Variants in DIS3L observed in about 807,000 individuals in gnomAD.
The protein encoded by DIS3L is DIS3 like exosome 3'-5' exoribonuclease.
Under a neutral mutation model 120.3 loss-of-function variants are expected in DIS3L, and 100 were observed. The observed-to-expected ratio is 0.83, with a 90% confidence interval of 0.71 to 0.98. The LOEUF is 0.98. Ranked by LOEUF, DIS3L falls within the 50% of genes least tolerant of loss-of-function variation. The probability of loss-of-function intolerance (pLI) is 0.00; values close to 1 mark genes in which losing one functional copy is unlikely to be tolerated. For missense variants in DIS3L, 1,196 were observed against 1,314.2 expected (o/e 0.91, Z 1.39); for synonymous variants, 426 against 470.6 (o/e 0.91, Z 1.23).
intron 4 of DIS3L, among the ~76,000 whole-genome samples, chr15:66,309,506 A>G (rs1009856879): frequency 6.6e-6 from 1 of 152,176 alleles, no homozygotes; most frequent in Non-Finnish European, 1.5e-5. Context: ...CCTAATGGTA[A>G]TAACCAACAC....
At chr15:66,313,889 A>G (rs180968638) in intron 5 of DIS3L, 150 bp from the exon 6 acceptor site, 10,401 of 213,216 alleles carry the variant, frequency 0.049, 75 homozygotes, top group Middle Eastern at 0.083. Flanking sequence ...ATGTGTGTGT[A>G]TATATATATA....
At chr15:66,329,594 A>ATTT in intron 14 of DIS3L, 195 bp downstream of exon 14, 1 of 1,019,356 alleles carries the variant, frequency 9.8e-7, no homozygotes, top group Non-Finnish European at 1.3e-6. Flanking sequence ...AGATTATCAG[A>ATTT]TTTTTTTTTT....
At chr15:66,329,426 AC>A in intron 14 of DIS3L, 27 bp downstream of exon 14, 1 of 1,589,764 alleles carries the variant, frequency 6.3e-7, no homozygotes, top group Non-Finnish European at 8.6e-7. Flanking sequence ...AAATTCTCTT[AC>A]CTGTCATCTC....
intron 14 of DIS3L, among the ~76,000 whole-genome samples, chr15:66,331,143 A>G (rs1488845549): frequency 6.6e-6 from 1 of 151,868 alleles, no homozygotes. Context: ...CGATAGAGTG[A>G]GACTCCATCT....
intron 2 of DIS3L, among the ~76,000 whole-genome samples, chr15:66,298,008 T>C (rs998435019): frequency 2.0e-5 from 3 of 151,950 alleles, no homozygotes; most frequent in African/African-American, 7.2e-5. Flanking sequence ...GGCGAAATCC[T>C]GTCACTACTA....
At chr15:66,307,550 T>C (rs1035914732) in intron 3 of DIS3L, among the ~76,000 whole-genome samples, 5 of 152,078 alleles carry the variant, frequency 3.3e-5, no homozygotes, top group Non-Finnish European at 5.9e-5. Context: ...AATCCACTTG[T>C]CTTGGCCTCC....
intron 10 of DIS3L, 62 bp from the exon 11 acceptor site, chr15:66,323,427 CCACA>C: frequency 1.9e-6 from 3 of 1,550,286 alleles, no homozygotes; most frequent in Non-Finnish European, 2.7e-6. Flanking sequence ...TCCCTGCGGC[CCACA>C]CAGTCAGCAG....
At chr15:66,332,217 G>A (rs2093006087) in intron 15 of DIS3L, among the ~76,000 whole-genome samples, 197 bp downstream of exon 15, 1 of 152,160 alleles carries the variant, frequency 6.6e-6, no homozygotes, top group African/African-American at 2.4e-5. Context: ...AGCACTTTGG[G>A]AGGCCAAGGT....
chr15:66,298,318 A>G (rs2092611940), intron 2 of DIS3L, among the ~76,000 whole-genome samples: 1 of 152,130 alleles, frequency 6.6e-6, no homozygotes, highest in African/African-American at 2.4e-5. Flanking sequence ...TCTTGTTTCT[A>G]AAAGAAAAAA....
chr15:66,327,012 C>T (rs2092946242), intron 12 of DIS3L, among the ~76,000 whole-genome samples: 1 of 152,004 alleles, frequency 6.6e-6, no homozygotes, highest in Admixed American at 6.6e-5. Flanking sequence ...TCACTGCAAC[C>T]TCCGCCTCCC....
In DIS3L at chr15:66,323,541, C is replaced by T. The variant is rs764850733; in HGVS notation, c.1623C>T (p.Ser541=). 19 of 1,614,134 alleles carry T rather than the reference C, an allele frequency of 1.2e-5. No homozygotes were observed. Among genetic ancestry groups the T allele is most frequent in the African/African-American group, 9.3e-5 (7 of 74,946 alleles). ...ATCGTCGCTATGACATGCTGCCTTC[C>T]GTCCTCAGTGCAGATTTGTGTTCCC... The part of the protein sequence containing the change: ...LADRRYDMLP[S]VLSADLCSLL... The change falls in exon 11 of 17, where the codon TCC becomes TCT. Residue 541 remains serine, a synonymous_variant. Transcript: ENST00000319212.
Position 66,329,233 on chromosome 15 carries a change from A to C in DIS3L, c.2369A>C (p.Asp790Ala). The C allele has an allele frequency of 6.2e-7, 1 of 1,600,142 alleles. No individual in the cohort carries two copies. The highest frequency in any genetic ancestry group is 8.5e-7 in the Non-Finnish European group (1 of 1,174,014). Reference sequence around the variant, plus strand: ...TTTCTTTTTGAAGGTCTTGCATTAGATAAATATACCCACTTTACTTCTCCA... The same window carrying C: ...TTTCTTTTTGAAGGTCTTGCATTAGCTAAATATACCCACTTTACTTCTCCA... ...EEFHHYGLAL[D>A]KYTHFTSPIR... The change falls in exon 14 of 17, where the codon GAT becomes GCT. Residue 790 changes from aspartate (D) to alanine (A), a missense_variant. By Grantham distance (126) the Asp-to-Ala change is moderately radical. Transcript: ENST00000319212.
intron 5 of DIS3L, among the ~76,000 whole-genome samples, chr15:66,312,485 C>T (rs2092772588): frequency 6.6e-6 from 1 of 152,114 alleles, no homozygotes; most frequent in South Asian, 2.1e-4. Flanking sequence ...CCTCCTGTCA[C>T]TAGAAAAAAA....
At chr15:66,295,841 G>A (rs192272822) in intron 2 of DIS3L, among the ~76,000 whole-genome samples, 8 of 152,262 alleles carry the variant, frequency 5.3e-5, no homozygotes, top group Non-Finnish European at 7.4e-5. Flanking sequence ...AGAATTATAC[G>A]TCCAACCTTT....
chr15:66,313,857 ATATG>A (rs1327360961), intron 5 of DIS3L, among the ~76,000 whole-genome samples, 178 bp from the exon 6 acceptor site: 3 of 124,978 alleles, frequency 2.4e-5, no homozygotes, highest in Admixed American at 8.1e-5. Flanking sequence ...GTGCGTATAT[ATATG>A]TGTGTATATA....
At chr15:66,293,873 G>T in intron 1 of DIS3L, 138 bp downstream of exon 1, 3 of 856,764 alleles carry the variant, frequency 3.5e-6, no homozygotes, top group Non-Finnish European at 3.9e-6. Flanking sequence ...CCGCTCGCCG[G>T]CCTCACCCCC....
intron 12 of DIS3L, 150 bp downstream of exon 12, chr15:66,326,514 C>G: frequency 1.1e-6 from 1 of 887,228 alleles, no homozygotes; most frequent in Admixed American, 2.9e-5. Flanking sequence ...CACATTTTTC[C>G]CTCTTCATTG....
At chr15:66,320,438 C>T (rs1270718157) in intron 8 of DIS3L, 133 bp from the exon 9 acceptor site, 2 of 907,718 alleles carry the variant, frequency 2.2e-6, no homozygotes, top group East Asian at 3.0e-5. Flanking sequence ...AAAAACCCTA[C>T]CATACACCAC....
intron 3 of DIS3L, among the ~76,000 whole-genome samples, 194 bp downstream of exon 3, chr15:66,307,146 A>G (rs1187602034): frequency 1.3e-5 from 2 of 152,202 alleles, no homozygotes; most frequent in Admixed American, 1.3e-4. Context: ...TACATTTTTT[A>G]AAAATTGCAG....
Sources: gnomAD v4.1 joint callset for allele counts (sites outside exome capture counted in the v4.1 genomes callset) on GRCh38, gnomAD v4.1.1 for gene constraint, MANE v1.5 for transcripts, NCBI Gene and HGNC (gene_info 2026-07-23, HGNC 2026-07-21) for gene names.